Variants in GRID2 observed in about 807,000 individuals in gnomAD.
GRID2 encodes glutamate ionotropic receptor delta type subunit 2, also known as glutamate receptor ionotropic, delta-2.
GRID2 carries 33 observed loss-of-function variants against 114.8 expected under a neutral mutation model. The ratio of observed to expected loss-of-function variants is 0.29; its 90% CI spans 0.22 to 0.38. The LOEUF (loss-of-function observed/expected upper bound fraction) is 0.38, where lower values mean the gene tolerates loss of function less well. Ranked by LOEUF, GRID2 falls within the 10% of genes least tolerant of loss-of-function variation. The pLI is 1.00. For synonymous variants in GRID2, 505 were observed against 449.9 expected (o/e 1.12, Z -1.55); for missense variants, 1,184 against 1,257.7 (o/e 0.94, Z 0.89).
At chr4:93,402,845 C>A (rs1397031801) in intron 9 of GRID2, among the ~76,000 whole-genome samples, 1 of 152,066 alleles carries the variant, frequency 6.6e-6, no homozygotes, top group Non-Finnish European at 1.5e-5. Flanking sequence ...TATAACTAAA[C>A]AAATGCCTCC....
chr4:93,772,666 A>G lies in GRID2; in HGVS notation c.*168A>G. 3 of 544,912 alleles carry G rather than the reference A, an allele frequency of 5.5e-6. No individual in the cohort carries two copies. Among genetic ancestry groups the G allele is most frequent in the Non-Finnish European group, 9.6e-6 (3 of 313,914 alleles). The allele number at this position is 544,912 out of a possible 1,614,324, so 33.8% of individuals were successfully genotyped here. The stretch of plus-strand genomic sequence containing the variant: ...TTCTCCCTCTCCTCTCTCCTCTATG[A>G]TTTTCTCTCTTTCCCCCTCCCTTCC... On this transcript the variant is annotated 3_prime_UTR_variant, in exon 16 of 16. Coordinates refer to ENST00000282020, the MANE Select transcript of GRID2 (RefSeq NM_001510.4).
At chr4:93,325,068 C>T (rs528260359) in intron 8 of GRID2, among the ~76,000 whole-genome samples, 102 of 152,084 alleles carry the variant, frequency 6.7e-4, no homozygotes, top group Non-Finnish European at 1.2e-3. Flanking sequence ...TTATTTCTTG[C>T]CTTCTGCTAA....
chr4:92,789,192 G>A (rs1275528134), intron 2 of GRID2, among the ~76,000 whole-genome samples: 1 of 151,578 alleles, frequency 6.6e-6, no homozygotes, highest in Admixed American at 6.6e-5. Context: ...TTTTGTAAGT[G>A]ATCTGTCTGT....
intron 8 of GRID2, among the ~76,000 whole-genome samples, chr4:93,250,781 A>G (rs1748817038): frequency 6.7e-6 from 1 of 148,900 alleles, no homozygotes; most frequent in Admixed American, 6.7e-5. Context: ...AAAAGTGTGC[A>G]TGCATGTATA....
At chr4:93,154,862 C>A (rs564764890) in intron 4 of GRID2, among the ~76,000 whole-genome samples, 152 of 152,050 alleles carry the variant, frequency 1.0e-3, no homozygotes, top group Non-Finnish European at 1.9e-3. Flanking sequence ...CATTCTCTGT[C>A]CTTCTTCTCT....
chr4:92,714,767 G>A (rs1735449073), intron 2 of GRID2, among the ~76,000 whole-genome samples: 3 of 152,274 alleles, frequency 2.0e-5, no homozygotes, highest in Middle Eastern at 3.4e-3. Context: ...CACAGCTGGA[G>A]TGGCTAGGAC....
At chr4:93,565,117 G>T (rs1056492280) in intron 13 of GRID2, among the ~76,000 whole-genome samples, 1 of 151,650 alleles carries the variant, frequency 6.6e-6, no homozygotes, top group African/African-American at 2.4e-5. Context: ...CTTACTAAAA[G>T]ATTTTATTTC....
At chr4:92,883,715 G>T (rs746059935) in intron 2 of GRID2, among the ~76,000 whole-genome samples, 1 of 152,180 alleles carries the variant, frequency 6.6e-6, no homozygotes, top group Non-Finnish European at 1.5e-5. Flanking sequence ...CATTGTCAAT[G>T]AGCAGTCATA....
intron 13 of GRID2, among the ~76,000 whole-genome samples, chr4:93,573,557 C>T (rs1736130339): frequency 6.6e-6 from 1 of 152,122 alleles, no homozygotes; most frequent in African/African-American, 2.4e-5. Context: ...ATGAGAGAGA[C>T]ATCTATGGGA....
intron 13 of GRID2, among the ~76,000 whole-genome samples, chr4:93,601,427 T>C (rs569439132): frequency 1.3e-5 from 2 of 152,196 alleles, no homozygotes; most frequent in Non-Finnish European, 2.9e-5. Flanking sequence ...TAGGATTATT[T>C]CCTTTTCCTG....
At chr4:93,193,391 C>G (rs1345033996) in intron 4 of GRID2, among the ~76,000 whole-genome samples, 1 of 152,056 alleles carries the variant, frequency 6.6e-6, no homozygotes, top group African/African-American at 2.4e-5. Context: ...ATCATGGGGT[C>G]AATTACCCCC....
intron 2 of GRID2, among the ~76,000 whole-genome samples, chr4:93,031,189 G>A (rs1342766986): frequency 1.3e-5 from 2 of 151,808 alleles, no homozygotes; most frequent in Non-Finnish European, 2.9e-5. Flanking sequence ...GGGACTATAG[G>A]CACCTGCCAC....
chr4:92,460,032 C>CTCTCTCTATATA (rs749790235), intron 1 of GRID2, among the ~76,000 whole-genome samples: 27 of 48,438 alleles, frequency 5.6e-4, no homozygotes, highest in African/African-American at 2.4e-3. Context: ...ATAAATCTCA[C>CTCTCTCTATATA]TATATATATA....
At chr4:92,779,938 T>C (rs2149357898) in intron 2 of GRID2, among the ~76,000 whole-genome samples, 1 of 152,302 alleles carries the variant, frequency 6.6e-6, no homozygotes, top group Non-Finnish European at 1.5e-5. Flanking sequence ...ATAATTAAGA[T>C]GTTTTAATCT....
chr4:92,561,527 C>A (rs1727102316), intron 1 of GRID2, among the ~76,000 whole-genome samples: 1 of 152,052 alleles, frequency 6.6e-6, no homozygotes, highest in Non-Finnish European at 1.5e-5. Flanking sequence ...TTGTTTTATG[C>A]AGTTTAGTGT....
At chr4:92,736,465 C>T (rs751373177) in intron 2 of GRID2, among the ~76,000 whole-genome samples, 8 of 152,002 alleles carry the variant, frequency 5.3e-5, no homozygotes, top group Non-Finnish European at 8.8e-5. Context: ...GTAGGAAAAT[C>T]GTACAGTTCT....
chr4:93,035,056 TAAAG>T (rs918410174), intron 2 of GRID2, among the ~76,000 whole-genome samples: 1 of 151,406 alleles, frequency 6.6e-6, no homozygotes, highest in Non-Finnish European at 1.5e-5. Flanking sequence ...GTCCGTGTGT[TAAAG>T]AAAGCCTAAG....
chr4:92,695,752 T>C (rs928965192), intron 2 of GRID2, among the ~76,000 whole-genome samples: 2 of 152,108 alleles, frequency 1.3e-5, no homozygotes, highest in Non-Finnish European at 2.9e-5. Flanking sequence ...TTCTTTCACG[T>C]AAAATATTAC....
intron 2 of GRID2, among the ~76,000 whole-genome samples, chr4:92,605,597 A>T (rs1729417894): frequency 6.6e-6 from 1 of 152,088 alleles, no homozygotes; most frequent in South Asian, 2.1e-4. Context: ...AACAAACAAA[A>T]AACCTTTAAG....
Sources: gnomAD v4.1 joint callset for allele counts (sites outside exome capture counted in the v4.1 genomes callset) on GRCh38, gnomAD v4.1.1 for gene constraint, MANE v1.5 for transcripts, NCBI Gene and HGNC (gene_info 2026-07-23, HGNC 2026-07-21) for gene names.